MEF2A: variants seen among roughly 807,000 people sequenced by gnomAD.
MEF2A encodes the protein myocyte-specific enhancer factor 2A.
Under a neutral mutation model 55.8 loss-of-function variants are expected in MEF2A, and 28 were observed. That is an observed-to-expected ratio of 0.50 (90% CI 0.37 to 0.69). The LOEUF is 0.69. Ranked by LOEUF, MEF2A falls within the 30% of genes least tolerant of loss-of-function variation. MEF2A has a pLI of 0.00. For missense variants in MEF2A, 528 were observed against 626.2 expected (o/e 0.84, Z 1.67); for synonymous variants, 239 against 227.1 (o/e 1.05, Z -0.47).
At chr15:99,670,391 G>C (rs961137565) in intron 4 of MEF2A, among the ~76,000 whole-genome samples, 2 of 152,066 alleles carry the variant, frequency 1.3e-5, no homozygotes, top group Non-Finnish European at 2.9e-5. Context: ...GGTGGATCAC[G>C]AGGTCAGGAG....
chr15:99,711,810 G>A (rs1377439776), intron 11 of MEF2A, among the ~76,000 whole-genome samples: 3 of 152,244 alleles, frequency 2.0e-5, no homozygotes, highest in Non-Finnish European at 4.4e-5. Context: ...CCTGTCCTGA[G>A]CATCCTAAAT....
chr15:99,609,300 A>G (rs1976302031), intron 2 of MEF2A, among the ~76,000 whole-genome samples: 1 of 152,230 alleles, frequency 6.6e-6, no homozygotes, highest in African/African-American at 2.4e-5. Flanking sequence ...ATCAGATGTT[A>G]GTATTTTTGA....
chr15:99,692,661 C>T (rs992759789), intron 8 of MEF2A, among the ~76,000 whole-genome samples: 1 of 152,070 alleles, frequency 6.6e-6, no homozygotes, highest in Non-Finnish European at 1.5e-5. Flanking sequence ...TTTTTTACTC[C>T]GTGAATCCCA....
rs184302690 is a variant in MEF2A, at chr15:99,629,129, G to A, written c.-142-3849G>A. Among the ~76,000 whole-genome samples the A allele has an allele frequency of 1.6e-4, 24 of 152,142 alleles. No individual in the cohort carries two copies. The East Asian group carries it at 4.4e-3, about 28-fold the overall frequency. ...AAGTTAATCTTTTTAAATTTTTCTG[G>A]CTGCTTTTAAGATCTCTCTGGCTGG... On this transcript the variant is annotated intron_variant, in intron 2 of 11. Transcript: ENST00000557942.
At chr15:99,621,165 A>G (rs1394868385) in intron 2 of MEF2A, 2 of 152,170 alleles carry the variant, frequency 1.3e-5, no homozygotes, top group Non-Finnish European at 2.9e-5. Context: ...ATGTCTATCT[A>G]CAGAATATTT....
intron 7 of MEF2A, among the ~76,000 whole-genome samples, chr15:99,687,109 T>G (rs1304649836): frequency 6.9e-6 from 1 of 145,504 alleles, no homozygotes; most frequent in East Asian, 2.0e-4. Context: ...TTTTTTTTTT[T>G]GTAGAGACGG....
chr15:99,612,415 C>CA (rs1384674789), intron 2 of MEF2A, among the ~76,000 whole-genome samples: 2 of 151,734 alleles, frequency 1.3e-5, no homozygotes, highest in Admixed American at 6.6e-5. Context: ...GACTCTGTCT[C>CA]AAAAAAACAA....
chr15:99,695,658 G>A (rs1367497326), intron 8 of MEF2A, among the ~76,000 whole-genome samples: 5 of 151,804 alleles, frequency 3.3e-5, no homozygotes, highest in Non-Finnish European at 7.4e-5. Flanking sequence ...TCGAGAGTTC[G>A]AGACCAGCCT....
chr15:99,642,622 A>T (rs932315077), intron 3 of MEF2A, among the ~76,000 whole-genome samples: 6 of 152,188 alleles, frequency 3.9e-5, no homozygotes, highest in African/African-American at 9.7e-5. Flanking sequence ...TATATTAAGT[A>T]TGAGTTAACA....
chr15:99,681,604 A>G (rs1318385394), intron 7 of MEF2A, among the ~76,000 whole-genome samples: 1 of 152,172 alleles, frequency 6.6e-6, no homozygotes, highest in Non-Finnish European at 1.5e-5. Flanking sequence ...CCCACATGGG[A>G]TAGAGATGGG....
chr15:99,652,059 A>T (rs1567329955), intron 4 of MEF2A, among the ~76,000 whole-genome samples: 1 of 152,158 alleles, frequency 6.6e-6, no homozygotes, highest in Non-Finnish European at 1.5e-5. Flanking sequence ...AAGATATTTG[A>T]TGCTTTGGTC....
chr15:99,706,919 T>G (rs1298300565), intron 10 of MEF2A, 64 bp downstream of exon 10: 23 of 1,525,424 alleles, frequency 1.5e-5, no homozygotes, highest in Non-Finnish European at 1.8e-5. Flanking sequence ...AACGTGTGCT[T>G]CTGTGATTTT....
intron 9 of MEF2A, among the ~76,000 whole-genome samples, chr15:99,704,422 A>G (rs2057780701): frequency 6.6e-6 from 1 of 152,262 alleles, no homozygotes; most frequent in African/African-American, 2.4e-5. Context: ...TTTTGGAGAA[A>G]CACTTTACTT....
chr15:99,662,284 G>T (rs959545473), intron 4 of MEF2A, among the ~76,000 whole-genome samples: 4 of 151,958 alleles, frequency 2.6e-5, no homozygotes, highest in African/African-American at 9.7e-5. Context: ...ATATAAACTT[G>T]TACATACCTT....
At chr15:99,617,177 A>G (rs909647834) in intron 2 of MEF2A, among the ~76,000 whole-genome samples, 20 of 152,044 alleles carry the variant, frequency 1.3e-4, no homozygotes, top group African/African-American at 4.3e-4. Context: ...AAAGACTGCC[A>G]TACTGAGTTA....
chr15:99,620,775 G>A (rs952970706), intron 2 of MEF2A: 5 of 151,868 alleles, frequency 3.3e-5, no homozygotes, highest in Non-Finnish European at 5.9e-5. Flanking sequence ...GTGCACAGTG[G>A]CTAAACTAAT....
intron 4 of MEF2A, among the ~76,000 whole-genome samples, chr15:99,654,677 A>G (rs2047412754): frequency 1.3e-5 from 2 of 152,136 alleles, no homozygotes; most frequent in South Asian, 4.1e-4. Context: ...GCCTTTGCCC[A>G]TGCATCATTG....
intron 1 of MEF2A, among the ~76,000 whole-genome samples, chr15:99,586,896 C>G (rs1967486410): frequency 6.6e-6 from 1 of 151,826 alleles, no homozygotes; most frequent in Non-Finnish European, 1.5e-5. Flanking sequence ...TTTTCTTTTC[C>G]CCTTGAATTA....
intron 2 of MEF2A, among the ~76,000 whole-genome samples, chr15:99,613,571 A>G (rs1888773794): frequency 6.6e-6 from 1 of 152,154 alleles, no homozygotes; most frequent in African/African-American, 2.4e-5. Context: ...GGTACCTTGA[A>G]GCAGGAGTAG....
Sources: allele counts gnomAD v4.1 joint callset (sites outside exome capture counted in the v4.1 genomes callset), GRCh38; gene constraint gnomAD v4.1.1; transcripts MANE v1.5; gene names NCBI Gene and HGNC (gene_info 2026-07-23, HGNC 2026-07-21).